CLVS1: variants seen among roughly 807,000 people sequenced by gnomAD.
CLVS1 encodes clavesin 1.
Under a neutral mutation model 33.1 loss-of-function variants are expected in CLVS1, and 10 were observed. That is an observed-to-expected ratio of 0.30 (90% confidence interval 0.19 to 0.51). The LOEUF (loss-of-function observed/expected upper bound fraction) is 0.51. Among genes scored for constraint, CLVS1 ranks in the 20% least tolerant of loss-of-function variants. The probability of loss-of-function intolerance (pLI) is 0.97; values close to 1 mark genes in which losing one functional copy is unlikely to be tolerated. For missense variants in CLVS1, 343 were observed against 433.4 expected (o/e 0.79, Z 1.85); for synonymous variants, 163 against 166.1 (o/e 0.98, Z 0.14).
chr8:61,091,278 C>T (rs1805244813), intron 1 of CLVS1, among the ~76,000 whole-genome samples: 1 of 152,188 alleles, frequency 6.6e-6, no homozygotes, highest in Admixed American at 6.5e-5. Flanking sequence ...AGATTTCCCC[C>T]AGGGCCTTCA....
chr8:61,006,124 A>T, the CLVS1 span, among the ~76,000 whole-genome samples: 1 of 152,206 alleles, frequency 6.6e-6, no homozygotes, highest in East Asian at 1.9e-4. Flanking sequence ...CAGGACTAGC[A>T]CATTACCGAT....
At chr8:61,459,260 T>C (rs1451010087) in intron 5 of CLVS1, among the ~76,000 whole-genome samples, 1 of 152,178 alleles carries the variant, frequency 6.6e-6, no homozygotes, top group Non-Finnish European at 1.5e-5. Context: ...CATTGCATAC[T>C]GTAGTCAATG....
intron 1 of CLVS1, among the ~76,000 whole-genome samples, chr8:61,117,034 T>C (rs1218465072): frequency 2.3e-5 from 3 of 130,788 alleles, no homozygotes; most frequent in African/African-American, 9.2e-5. Flanking sequence ...GTTTGTATCC[T>C]CTTTTATTTC....
chr8:61,157,562 T>A (rs1317536655), intron 2 of CLVS1, among the ~76,000 whole-genome samples: 1 of 152,074 alleles, frequency 6.6e-6, no homozygotes, highest in Non-Finnish European at 1.5e-5. Context: ...GTTTAGGCTA[T>A]CACAATTAAA....
At chr8:61,469,284 A>G (rs1817658778) in intron 5 of CLVS1, among the ~76,000 whole-genome samples, 1 of 152,178 alleles carries the variant, frequency 6.6e-6, no homozygotes, top group South Asian at 2.1e-4. Context: ...GACTTCCTAA[A>G]TTGGCATGAC....
At chr8:61,013,278 GGA>G in the CLVS1 span, among the ~76,000 whole-genome samples, 1 of 152,172 alleles carries the variant, frequency 6.6e-6, no homozygotes, top group African/African-American at 2.4e-5. Context: ...AAATAAAGAT[GGA>G]GAGAGCAGGG....
At chr8:61,484,153 G>T (rs946451400) in intron 5 of CLVS1, among the ~76,000 whole-genome samples, 1 of 152,150 alleles carries the variant, frequency 6.6e-6, no homozygotes, top group African/African-American at 2.4e-5. Flanking sequence ...AAGTCAAATT[G>T]TTCCTGTTTG....
intron 2 of CLVS1, among the ~76,000 whole-genome samples, chr8:61,147,548 C>A (rs1806444664): frequency 6.6e-6 from 1 of 152,114 alleles, no homozygotes; most frequent in South Asian, 2.1e-4. Flanking sequence ...CTATTTAATT[C>A]TTGTGTGGGT....
chr8:61,172,196 A>T (rs1224635429), intron 2 of CLVS1, among the ~76,000 whole-genome samples: 1 of 152,148 alleles, frequency 6.6e-6, no homozygotes, highest in Non-Finnish European at 1.5e-5. Context: ...GTATTCTTCC[A>T]GGTTACATAA....
chr8:61,282,855 G>C (rs1176102287), intron 2 of CLVS1, among the ~76,000 whole-genome samples: 1 of 152,142 alleles, frequency 6.6e-6, no homozygotes, highest in Non-Finnish European at 1.5e-5. Flanking sequence ...AAAGTTGCAG[G>C]AACAAAAAAC....
intron 5 of CLVS1, among the ~76,000 whole-genome samples, chr8:61,479,053 T>G (rs1005948785): frequency 6.6e-6 from 1 of 152,212 alleles, no homozygotes; most frequent in Non-Finnish European, 1.5e-5. Context: ...CTGACAATTA[T>G]GTGTCTTTGA....
chr8:61,400,577 G>A (rs1427319614), intron 3 of CLVS1, among the ~76,000 whole-genome samples: 1 of 152,162 alleles, frequency 6.6e-6, no homozygotes, highest in East Asian at 1.9e-4. Flanking sequence ...ATGTTGACGA[G>A]GAGTGATGAG....
chr8:61,226,742 T>C (rs1009723792), intron 2 of CLVS1, among the ~76,000 whole-genome samples: 2 of 152,156 alleles, frequency 1.3e-5, no homozygotes, highest in Admixed American at 1.3e-4. Context: ...ACACTGAGGC[T>C]GGGGAGGGAA....
At chr8:61,223,843 T>C (rs1032343756) in intron 2 of CLVS1, among the ~76,000 whole-genome samples, 1 of 152,194 alleles carries the variant, frequency 6.6e-6, no homozygotes, top group Non-Finnish European at 1.5e-5. Context: ...CATAGTCCCA[T>C]ATTTCTTGGA....
At position 61,213,396 on chromosome 8, in the gene CLVS1, G is replaced by A. The variant is rs1030803190; in HGVS notation, c.-152+81536G>A. On this transcript the variant is annotated intron_variant, in intron 2 of 2. Coordinates refer to the CLVS1 transcript ENST00000522621. ...GGCATGAGCCACTGTGCCCAGCCTA[G>A]TGTCCTCTTAAGAAGAAGAATTAGG... Among the ~76,000 whole-genome samples the A allele has an allele frequency of 2.6e-4, 11 of 41,880 alleles. No individual in the cohort carries two copies. The African/African-American group carries it at 3.2e-3, about 12-fold the overall frequency. The allele number at this position is 41,880 out of a possible 152,430, so 27.5% of individuals were successfully genotyped here.
intron 2 of CLVS1, among the ~76,000 whole-genome samples, chr8:61,154,557 T>C (rs1315550944): frequency 6.6e-6 from 1 of 152,214 alleles, no homozygotes; most frequent in Non-Finnish European, 1.5e-5. Flanking sequence ...TCAGAGAGTT[T>C]GCCACGGACT....
chr8:61,396,085 C>T (rs7836228), intron 3 of CLVS1, among the ~76,000 whole-genome samples: 103,214 of 151,970 alleles, frequency 0.68, 35,760 homozygotes, highest in Non-Finnish European at 0.75. Context: ...AATTGGTGAT[C>T]TTCCTTAATA....
chr8:61,486,131 T>TA (rs1554580123), intron 5 of CLVS1, among the ~76,000 whole-genome samples: 1 of 130,546 alleles, frequency 7.7e-6, no homozygotes, highest in African/African-American at 3.0e-5. Context: ...ATAAATAAAA[T>TA]AAATGGGAGA....
intron 1 of CLVS1, among the ~76,000 whole-genome samples, chr8:61,059,499 T>TATATATATATATATATATATACAC (rs1265187479): frequency 0.016 from 1,509 of 95,570 alleles, 29 homozygotes; most frequent in Middle Eastern, 0.022. Context: ...TATATATATA[T>TATATATATATATATATATATACAC]ACACATATCT....
Sources: allele counts gnomAD v4.1 joint callset (sites outside exome capture counted in the v4.1 genomes callset), GRCh38; gene constraint gnomAD v4.1.1; transcripts MANE v1.5; gene names NCBI Gene and HGNC (gene_info 2026-07-23, HGNC 2026-07-21).